The following RTL9 variants were observed in gnomAD, a reference collection of about 807,000 sequenced individuals.
RTL9 encodes the protein retrotransposon Gag-like protein 9.
RTL9 carries 19 observed loss-of-function variants against 44.7 expected under a neutral mutation model. The observed-to-expected ratio is 0.42, with a 90% CI of 0.30 to 0.62. The LOEUF is 0.62. RTL9 is among the 20% of genes least tolerant of loss of function. The pLI is 0.16. For missense variants in RTL9, 1,105 were observed against 1,080.6 expected (o/e 1.02, Z -0.32); for synonymous variants, 407 against 398.9 (o/e 1.02, Z -0.24).
chrX:110,412,815 G>C (rs761634696), intron 1 of RTL9, among the ~76,000 whole-genome samples: 23 of 112,362 alleles, frequency 2.0e-4, no homozygotes, highest in African/African-American at 7.1e-4. Flanking sequence ...TTTTTGTTAA[G>C]GGTATTATAT....
intron 1 of RTL9, among the ~76,000 whole-genome samples, chrX:110,435,551 C>A (rs187569244): frequency 1.2e-4 from 14 of 112,147 alleles, no homozygotes; most frequent in African/African-American, 3.9e-4. Flanking sequence ...ACAAGTTAGG[C>A]ATGAGAGTTT....
At chrX:110,454,509 A>G in exon 1 of RTL9, 1 of 1,211,955 alleles carries the variant, frequency 8.3e-7, no homozygotes, top group Non-Finnish European at 1.1e-6. Flanking sequence ...TGGCAGCCTA[A>G]AGGAGCTGAT....
At chrX:110,403,607 T>C (rs1176242353) in intron 1 of RTL9, among the ~76,000 whole-genome samples, 1 of 111,908 alleles carries the variant, frequency 8.9e-6, no homozygotes, top group East Asian at 2.8e-4. Context: ...GTCTTGGTGC[T>C]TGGCCAGACT....
At chrX:110,429,047 T>C (rs776518857) in intron 1 of RTL9, among the ~76,000 whole-genome samples, 1 of 111,838 alleles carries the variant, frequency 8.9e-6, no homozygotes, top group South Asian at 3.8e-4. Context: ...TCTACCCCAC[T>C]AGCCAATTCA....
At chrX:110,445,299 T>G (rs2068902320) in intron 2 of RTL9, 31 bp downstream of exon 2, 1 of 112,688 alleles carries the variant, frequency 8.9e-6, no homozygotes, top group Non-Finnish European at 1.9e-5. Flanking sequence ...TTCTCTCTAG[T>G]TCAGTTCTTT....
intron 1 of RTL9, among the ~76,000 whole-genome samples, chrX:110,384,201 A>C (rs2068439240): frequency 9.0e-6 from 1 of 111,298 alleles, no homozygotes; most frequent in African/African-American, 3.3e-5. Context: ...TGAGGGCAGA[A>C]ACCTTGTATT....
At chrX:110,385,884 G>A (rs2148280286) in intron 1 of RTL9, among the ~76,000 whole-genome samples, 1 of 111,549 alleles carries the variant, frequency 9.0e-6, no homozygotes, top group African/African-American at 3.3e-5. Context: ...TGTACCCAGT[G>A]TTTAGCTCCC....
chrX:110,450,252 C>A (rs1317332510), upstream of RTL9, among the ~76,000 whole-genome samples: 1 of 111,519 alleles, frequency 9.0e-6, no homozygotes, highest in Non-Finnish European at 1.9e-5. Context: ...GCATTTCTCA[C>A]ATTTGGCCAG....
intron 1 of RTL9, among the ~76,000 whole-genome samples, chrX:110,375,060 A>C (rs140471599): frequency 0.01 from 1,118 of 111,616 alleles, 5 homozygotes; most frequent in Non-Finnish European, 0.015. Context: ...GGGTTACTGG[A>C]TAGGTTATAT....
exon 1 of RTL9, chrX:110,453,099 T>G (rs2148350971): frequency 8.3e-7 from 1 of 1,211,158 alleles, no homozygotes; most frequent in East Asian, 3.0e-5. Context: ...AGCCACAGCC[T>G]CTGGAATGAT....
intron 1 of RTL9, among the ~76,000 whole-genome samples, chrX:110,421,475 G>A (rs1406283861): frequency 8.9e-6 from 1 of 112,665 alleles, no homozygotes; most frequent in African/African-American, 3.2e-5. Flanking sequence ...TGTATTGTGT[G>A]CTAGTTTCAG....
exon 1 of RTL9, chrX:110,453,366 C>A: frequency 8.3e-7 from 1 of 1,211,217 alleles, no homozygotes; most frequent in Non-Finnish European, 1.1e-6. Context: ...ACTAAGGAGA[C>A]CCTCAGCCTG....
chrX:110,412,279 T>G (rs1005055874), intron 1 of RTL9, among the ~76,000 whole-genome samples: 5 of 112,592 alleles, frequency 4.4e-5, no homozygotes, highest in African/African-American at 1.6e-4. Flanking sequence ...CTTAGGAGTT[T>G]ACCTTTGCAA....
intron 1 of RTL9, among the ~76,000 whole-genome samples, chrX:110,373,346 C>T (rs1477464014): frequency 9.0e-6 from 1 of 111,711 alleles, no homozygotes; most frequent in African/African-American, 3.3e-5. Flanking sequence ...AACCAAAATT[C>T]ACAGTACCCA....
intron 1 of RTL9, among the ~76,000 whole-genome samples, chrX:110,387,892 C>T (rs2068467921): frequency 1.1e-5 from 1 of 88,440 alleles, no homozygotes; most frequent in South Asian, 6.5e-4. Context: ...GACGGTGTCT[C>T]ACTCTGTCGC....
At position 110,434,478 on chromosome X, in the gene RTL9, G is replaced by A. The variant is rs746944953; in HGVS notation, c.-167-10675G>A. Reference sequence around the variant, plus strand: ...AACCACGACCGTGGCAGTGAGAGCCGAGAGGAGGGGATGACTCAAGGCACA... The same window carrying A: ...AACCACGACCGTGGCAGTGAGAGCCAAGAGGAGGGGATGACTCAAGGCACA... On this transcript the variant is annotated intron_variant, in intron 1 of 3. Coordinates refer to the RTL9 transcript ENST00000465301. Among the ~76,000 whole-genome samples the A allele has an allele frequency of 2.7e-4, 30 of 111,529 alleles. No individual in the cohort carries two copies. In the South Asian group the frequency reaches 4.6e-3, roughly 17 times the overall value.
chrX:110,444,467 G>A (rs1026431964), intron 1 of RTL9, among the ~76,000 whole-genome samples: 41 of 112,666 alleles, frequency 3.6e-4, no homozygotes, highest in African/African-American at 1.3e-3. Flanking sequence ...AGTCCACCGT[G>A]CAATGAGAAA....
intron 1 of RTL9, among the ~76,000 whole-genome samples, chrX:110,359,828 T>C (rs781623403): frequency 2.3e-4 from 26 of 111,327 alleles, no homozygotes; most frequent in Non-Finnish European, 4.5e-4. Flanking sequence ...CATACAAGAA[T>C]TTTGAGGTTG....
At chrX:110,420,581 C>A (rs764055010) in intron 1 of RTL9, among the ~76,000 whole-genome samples, 14 of 112,157 alleles carry the variant, frequency 1.2e-4, no homozygotes, top group African/African-American at 4.2e-4. Context: ...AGTAGCTGGA[C>A]CTGTTTAGGA....
Sources: allele counts gnomAD v4.1 joint callset (sites outside exome capture counted in the v4.1 genomes callset), GRCh38; gene constraint gnomAD v4.1.1; transcripts MANE v1.5; gene names NCBI Gene and HGNC (gene_info 2026-07-23, HGNC 2026-07-21).